The following HTR1F variants were observed in gnomAD, a reference collection of about 807,000 sequenced individuals.
HTR1F encodes the protein 5-hydroxytryptamine (serotonin) receptor 1F, G protein-coupled.
Under a neutral mutation model 24.0 loss-of-function variants are expected in HTR1F, and 17 were observed. The observed-to-expected ratio is 0.71, with a 90% confidence interval of 0.48 to 1.06. The LOEUF (loss-of-function observed/expected upper bound fraction) is 1.06, where lower values mean the gene tolerates loss of function less well. Among genes scored for constraint, HTR1F ranks in the 50% least tolerant of loss-of-function variants. The pLI is 0.00. For missense variants in HTR1F, 391 were observed against 427.8 expected (o/e 0.91, Z 0.76); for synonymous variants, 186 against 156.8 (o/e 1.19, Z -1.39).
chr3:87,833,952 T>G (rs759123492), intron 2 of HTR1F, among the ~76,000 whole-genome samples: 2 of 152,214 alleles, frequency 1.3e-5, no homozygotes, highest in Non-Finnish European at 2.9e-5. Flanking sequence ...CTTCTGATTG[T>G]CTTTAAAGAA....
intron 2 of HTR1F, among the ~76,000 whole-genome samples, chr3:87,905,160 G>C (rs1010680082): frequency 6.6e-6 from 1 of 151,602 alleles, no homozygotes; most frequent in African/African-American, 2.4e-5. Context: ...AAAATTAAAA[G>C]TTAGTTGAGT....
chr3:87,966,130 G>A, intron 2 of HTR1F, among the ~76,000 whole-genome samples: 1 of 152,076 alleles, frequency 6.6e-6, no homozygotes, highest in East Asian at 1.9e-4. Context: ...AGCAGATTTG[G>A]TGTCTATGTT....
At chr3:87,887,288 C>A (rs912445875) in intron 2 of HTR1F, among the ~76,000 whole-genome samples, 12 of 152,224 alleles carry the variant, frequency 7.9e-5, no homozygotes, top group Non-Finnish European at 1.2e-4. Flanking sequence ...AAAGCTGAAA[C>A]TGGATCCCTT....
intron 2 of HTR1F, among the ~76,000 whole-genome samples, chr3:87,848,181 A>T (rs984087605): frequency 1.3e-5 from 2 of 151,720 alleles, no homozygotes. Flanking sequence ...TCATCTGTTA[A>T]ATTTTGTCTT....
At chr3:87,881,184 G>A (rs1216075631) in intron 2 of HTR1F, among the ~76,000 whole-genome samples, 1 of 152,190 alleles carries the variant, frequency 6.6e-6, no homozygotes, top group Non-Finnish European at 1.5e-5. Flanking sequence ...GCTAAGGGAA[G>A]CCGTGACAGA....
intron 2 of HTR1F, among the ~76,000 whole-genome samples, chr3:87,831,755 G>T (rs771686058): frequency 6.6e-6 from 1 of 152,116 alleles, no homozygotes; most frequent in Non-Finnish European, 1.5e-5. Flanking sequence ...ATCTCAAAAG[G>T]CCTATAAATA....
intron 2 of HTR1F, among the ~76,000 whole-genome samples, chr3:87,959,388 C>T (rs1354455936): frequency 6.6e-6 from 1 of 151,868 alleles, no homozygotes; most frequent in Non-Finnish European, 1.5e-5. Flanking sequence ...TTGCCAAAGT[C>T]TGGCAATTGA....
chr3:87,921,673 C>A (rs1235821124), intron 2 of HTR1F, among the ~76,000 whole-genome samples: 2 of 151,732 alleles, frequency 1.3e-5, no homozygotes, highest in Non-Finnish European at 3.0e-5. Flanking sequence ...CACTAGAATC[C>A]TATCTAGCTG....
chr3:87,993,307 T>G lies in HTR1F; in HGVS notation c.*1457T>G, dbSNP rs1705876087. 1 of 166,236 alleles carries G rather than the reference T, an allele frequency of 6.0e-6. No homozygotes were observed. The highest frequency in any genetic ancestry group is 1.5e-5 in the Non-Finnish European group (1 of 68,020). The allele number at this position is 166,236 out of a possible 1,614,324, so 10.3% of individuals were successfully genotyped here. On this transcript the variant is annotated 3_prime_UTR_variant, in exon 3 of 3. Transcript: ENST00000319595. ...AGAGTTCCCATTTTATACAAGGCAT[T>G]GAGACATATACTAGATAGAAGATAT... is the stretch of plus-strand genomic sequence containing the variant.
At chr3:87,957,713 A>G (rs1334314520) in intron 2 of HTR1F, among the ~76,000 whole-genome samples, 1 of 150,974 alleles carries the variant, frequency 6.6e-6, no homozygotes, top group Non-Finnish European at 1.5e-5. Flanking sequence ...CTCTTTTTTT[A>G]TCCTTTTAAT....
At chr3:87,802,153 T>TCTCC (rs1205938893) in intron 1 of HTR1F, among the ~76,000 whole-genome samples, 1 of 31,832 alleles carries the variant, frequency 3.1e-5, no homozygotes, top group African/African-American at 1.1e-4. Flanking sequence ...TCCCTCCCTC[T>TCTCC]CTCCCTCCCT....
rs1348277139 is a variant in HTR1F, at chr3:87,993,335, G to A, written c.*1485G>A. On this transcript the variant is annotated 3_prime_UTR_variant, in exon 3 of 3. Transcript: ENST00000319595. ...GACATATACTAGATAGAAGATATAC[G>A]AAATAATAAAATACAGTTTTTTTTC... The A allele has an allele frequency of 1.3e-5, 2 of 158,198 alleles. No homozygotes were observed. Among genetic ancestry groups the A allele is most frequent in the African/African-American group, 2.5e-5 (1 of 40,140 alleles). 9.8% of individuals were successfully genotyped at this position (158,198 alleles called of 1,614,324 possible). A position where few individuals can be genotyped will look rare whatever the true frequency, so the allele number is the denominator to read the frequency against.
intron 2 of HTR1F, among the ~76,000 whole-genome samples, chr3:87,881,671 A>C (rs905588146): frequency 5.9e-5 from 9 of 152,350 alleles, no homozygotes; most frequent in Admixed American, 5.2e-4. Flanking sequence ...AAAAGGCTGA[A>C]AGTGGATCCC....
At chr3:87,927,496 C>T (rs529576000) in intron 2 of HTR1F, among the ~76,000 whole-genome samples, 1 of 152,180 alleles carries the variant, frequency 6.6e-6, no homozygotes, top group Non-Finnish European at 1.5e-5. Context: ...TTGATCTCTA[C>T]AGTCACACCA....
chr3:87,925,581 C>A (rs375595659), intron 2 of HTR1F, among the ~76,000 whole-genome samples: 5 of 152,198 alleles, frequency 3.3e-5, no homozygotes, highest in Admixed American at 6.5e-5. Flanking sequence ...GGTTACAATG[C>A]CCCATAACAG....
chr3:87,809,984 A>G (rs1704134725), intron 1 of HTR1F, among the ~76,000 whole-genome samples: 1 of 152,008 alleles, frequency 6.6e-6, no homozygotes, highest in South Asian at 2.1e-4. Context: ...TCAGTAGATG[A>G]ACTCACCTTA....
chr3:87,797,370 T>C (rs1235006478), intron 1 of HTR1F, among the ~76,000 whole-genome samples: 2 of 152,222 alleles, frequency 1.3e-5, no homozygotes, highest in Non-Finnish European at 2.9e-5. Context: ...GCTTTCCATA[T>C]GTTAAAATTA....
intron 2 of HTR1F, among the ~76,000 whole-genome samples, chr3:87,936,734 T>C (rs143757839): frequency 2.0e-3 from 312 of 152,250 alleles, no homozygotes; most frequent in African/African-American, 7.3e-3. Context: ...AATATTTTGT[T>C]TGGGGATTCA....
At chr3:87,855,802 A>G (rs1174120860) in intron 2 of HTR1F, among the ~76,000 whole-genome samples, 1 of 152,088 alleles carries the variant, frequency 6.6e-6, no homozygotes. Context: ...CAGGAATGTG[A>G]ATCATCCCTT....
Sources: allele counts gnomAD v4.1 joint callset (sites outside exome capture counted in the v4.1 genomes callset), GRCh38; gene constraint gnomAD v4.1.1; transcripts MANE v1.5; gene names NCBI Gene and HGNC (gene_info 2026-07-23, HGNC 2026-07-21).